Variants in DAB1 observed in about 807,000 individuals in gnomAD.
DAB1 encodes disabled homolog 1.
Under a neutral mutation model 64.6 loss-of-function variants are expected in DAB1, and 15 were observed. That is an observed-to-expected ratio of 0.23 (90% CI 0.16 to 0.36). The LOEUF is 0.36. DAB1 is among the 10% of genes least tolerant of loss of function. DAB1 has a pLI of 1.00. For missense variants in DAB1, 596 were observed against 706.7 expected (o/e 0.84, Z 1.78); for synonymous variants, 235 against 251.9 (o/e 0.93, Z 0.64).
intron 6 of DAB1, among the ~76,000 whole-genome samples, chr1:57,806,925 G>A (rs1651389568): frequency 6.6e-6 from 1 of 152,190 alleles, no homozygotes; most frequent in Admixed American, 6.5e-5. Flanking sequence ...CAAGAGGACA[G>A]GGATTTTGTT....
intron 7 of DAB1, among the ~76,000 whole-genome samples, chr1:57,500,762 G>T (rs1403544606): frequency 1.3e-5 from 2 of 152,108 alleles, no homozygotes; most frequent in East Asian, 3.8e-4. Context: ...TCTGCCTTTG[G>T]TTATAATAGA....
intron 2 of DAB1, among the ~76,000 whole-genome samples, chr1:57,220,559 T>G (rs562898555): frequency 6.6e-6 from 1 of 152,204 alleles, no homozygotes; most frequent in Non-Finnish European, 1.5e-5. Context: ...AGAGAAGTTA[T>G]AACACATGCT....
intron 1 of DAB1, among the ~76,000 whole-genome samples, chr1:57,874,840 AAG>A (rs999002474): frequency 6.6e-6 from 1 of 152,158 alleles, no homozygotes; most frequent in African/African-American, 2.4e-5. Context: ...ATGCAAGCTG[AAG>A]AGAGTGCAGG....
At chr1:57,956,840 C>G (rs571531695) in intron 5 of DAB1, among the ~76,000 whole-genome samples, 1 of 152,290 alleles carries the variant, frequency 6.6e-6, no homozygotes, top group East Asian at 1.9e-4. Context: ...CTAGTTAGGA[C>G]CATCTTGGAA....
Position 58,187,886 on chromosome 1 carries a change from T to C in DAB1, n.310-37298A>G, listed in dbSNP as rs547229368. 5.0e-3 allele frequency among the ~76,000 whole-genome samples: 725 copies of C among 144,274 alleles called. 7 individuals carry two copies. Among genetic ancestry groups the C allele is most frequent in the African/African-American group, 0.018 (697 of 38,818 alleles). The allele number at this position is 144,274 out of a possible 152,430, so 94.6% of individuals were successfully genotyped here. ...GAGCCACCTGGCCTGTTTTTTTTTT[T>C]TTCTTTGACCTGTGAGATAAGAATT... On this transcript the variant is annotated intron_variant and non_coding_transcript_variant, in intron 4 of 20. Transcript: ENST00000485760.
chr1:57,933,363 G>GTTGT (rs1018885312), intron 5 of DAB1, among the ~76,000 whole-genome samples: 2 of 151,570 alleles, frequency 1.3e-5, no homozygotes, highest in Non-Finnish European at 3.0e-5. Context: ...CTTTTTACTT[G>GTTGT]TTGTTAGGAT....
chr1:57,612,520 A>G (rs1645740859), intron 7 of DAB1, among the ~76,000 whole-genome samples: 2 of 152,076 alleles, frequency 1.3e-5, no homozygotes, highest in Admixed American at 6.6e-5. Flanking sequence ...GGAAGAGAAA[A>G]GATGCTATGC....
chr1:57,113,045 G>T (rs1157853723), intron 4 of DAB1, among the ~76,000 whole-genome samples: 1 of 152,110 alleles, frequency 6.6e-6, no homozygotes, highest in Non-Finnish European at 1.5e-5. Flanking sequence ...GAGGAAAAAG[G>T]GGGTGAACAG....
chr1:57,846,921 T>C (rs1402763257), intron 1 of DAB1, among the ~76,000 whole-genome samples: 2 of 152,216 alleles, frequency 1.3e-5, no homozygotes, highest in Non-Finnish European at 2.9e-5. Context: ...AGATGCCTAC[T>C]TAAGAATCTG....
At chr1:57,983,977 C>T (rs1646130291) in intron 5 of DAB1, among the ~76,000 whole-genome samples, 1 of 151,952 alleles carries the variant, frequency 6.6e-6, no homozygotes, top group Non-Finnish European at 1.5e-5. Flanking sequence ...TACACACGCG[C>T]ACATGCACAT....
intron 5 of DAB1, among the ~76,000 whole-genome samples, chr1:57,970,790 C>T (rs1282716571): frequency 6.6e-6 from 1 of 152,028 alleles, no homozygotes; most frequent in African/African-American, 2.4e-5. Context: ...GGAAACTCAC[C>T]ATGCAATTTT....
chr1:57,501,894 GC>G (rs1301920877), intron 7 of DAB1, among the ~76,000 whole-genome samples: 4 of 152,000 alleles, frequency 2.6e-5, no homozygotes, highest in African/African-American at 9.7e-5. Context: ...AAGTACTGGG[GC>G]CCCAAATTGA....
intron 6 of DAB1, among the ~76,000 whole-genome samples, chr1:57,787,650 A>C (rs1230847852): frequency 6.6e-6 from 1 of 152,218 alleles, no homozygotes; most frequent in East Asian, 1.9e-4. Context: ...ACTATAAAAT[A>C]AAAAAATTGA....
intron 7 of DAB1, among the ~76,000 whole-genome samples, chr1:57,645,828 AGAG>A (rs1426814396): frequency 6.6e-6 from 1 of 152,222 alleles, no homozygotes; most frequent in Non-Finnish European, 1.5e-5. Context: ...CAAAAATAAC[AGAG>A]AAGAAAGGGG....
intron 6 of DAB1, among the ~76,000 whole-genome samples, chr1:57,815,497 A>G (rs1328175714): frequency 6.6e-6 from 1 of 152,154 alleles, no homozygotes; most frequent in African/African-American, 2.4e-5. Flanking sequence ...TTTTTCGCTT[A>G]TATATCTGTA....
intron 12 of DAB1, 41 bp downstream of exon 12, chr1:57,014,842 G>T: frequency 4.0e-6 from 6 of 1,491,162 alleles, no homozygotes; most frequent in Non-Finnish European, 5.4e-6. Flanking sequence ...CATGAGTTAC[G>T]GCTCTCATTG....
chr1:57,606,663 T>TATATA (rs1280807993), intron 7 of DAB1, among the ~76,000 whole-genome samples: 8 of 92,366 alleles, frequency 8.7e-5, no homozygotes, highest in East Asian at 3.0e-4. Context: ...ATGTATGAAA[T>TATATA]ATATATGAAA....
intron 4 of DAB1, among the ~76,000 whole-genome samples, chr1:58,277,031 T>C (rs1047919721): frequency 6.9e-5 from 9 of 130,652 alleles, no homozygotes; most frequent in South Asian, 2.5e-4. Context: ...CAGAGACTTT[T>C]TTTTTCTTTT....
At chr1:57,223,119 CT>C (rs1363743782) in intron 2 of DAB1, among the ~76,000 whole-genome samples, 1 of 152,138 alleles carries the variant, frequency 6.6e-6, no homozygotes, top group Non-Finnish European at 1.5e-5. Flanking sequence ...TCATAACTTC[CT>C]TTTGCCGCCA....
Sources: gnomAD v4.1 joint callset for allele counts (sites outside exome capture counted in the v4.1 genomes callset) on GRCh38, gnomAD v4.1.1 for gene constraint, MANE v1.5 for transcripts, NCBI Gene and HGNC (gene_info 2026-07-23, HGNC 2026-07-21) for gene names.